NOS2: variants seen among roughly 807,000 people sequenced by gnomAD.
NOS2 encodes the protein nitric oxide synthase, inducible.
A neutral mutation model predicts 136.0 loss-of-function variants in NOS2; 96 were observed. The ratio of observed to expected loss-of-function variants is 0.71; its 90% CI spans 0.60 to 0.84. NOS2 has a LOEUF of 0.84. NOS2 is among the 40% of genes least tolerant of loss of function. The pLI is 0.00. For synonymous variants in NOS2, 539 were observed against 587.5 expected (o/e 0.92, Z 1.20); for missense variants, 1,237 against 1,496.9 (o/e 0.83, Z 2.87).
At chr17:27,773,805 C>A (rs1201615195) in intron 12 of NOS2, among the ~76,000 whole-genome samples, 1 of 152,152 alleles carries the variant, frequency 6.6e-6, no homozygotes, top group Non-Finnish European at 1.5e-5. Flanking sequence ...TTCCATACAC[C>A]AGCTTTGTGA....
In NOS2 at chr17:27,758,992, A is replaced by C; in HGVS notation, c.3243T>G (p.Val1081=). Residue 1081 remains valine, a synonymous_variant, in exon 26 of 27, where the codon GTT becomes GTG. Coordinates refer to ENST00000313735, the MANE Select transcript of NOS2 (RefSeq NM_000625.4). ...VLHKEPGHLY[V]CGDVRMARDV... is the part of the protein sequence containing the mutation. ...CCCGGGCCATGCGCACATCCCCGCA[A>C]ACATAGAGGTGGCCTGGCTCCTTGT... 6.2e-7 allele frequency: 1 copy of C among 1,613,034 alleles called. No individual in the cohort carries two copies. The highest frequency in any genetic ancestry group is 1.3e-5 in the African/African-American group (1 of 75,052).
rs1337976981 is a variant in NOS2, at chr17:27,758,952, G to A, written c.3283C>T (p.Leu1095=). The A allele has an allele frequency of 6.2e-7, 1 of 1,612,686 alleles. No individual in the cohort carries two copies. Among genetic ancestry groups the A allele is most frequent in the South Asian group, 1.1e-5 (1 of 90,970 alleles). The part of the protein sequence containing the change: ...VRMARDVAHT[L]KQLVAAKLKL... The stretch of plus-strand genomic sequence containing the variant: ...AGCTTGGCAGCCACCAGCTGCTTCA[G>A]GGTGTGGGCCACGTCCCGGGCCATG... The change falls in exon 26 of 27, where the codon CTG becomes TTG. Residue 1095 remains leucine (L), a synonymous_variant. Transcript: ENST00000313735.
chr17:27,795,260 G>C (rs1015893528), intron 2 of NOS2, among the ~76,000 whole-genome samples: 5 of 152,218 alleles, frequency 3.3e-5, no homozygotes, highest in South Asian at 2.1e-4. Flanking sequence ...CTCTGGGAGA[G>C]CACAGATAGT....
intron 23 of NOS2, 44 bp from the exon 24 acceptor site, chr17:27,760,788 A>G (rs1908099510): frequency 1.0e-5 from 16 of 1,533,948 alleles, no homozygotes; most frequent in Non-Finnish European, 1.4e-5. Context: ...CAGACACCCC[A>G]GGCCCACGCA....
In NOS2 at chr17:27,778,755, G is replaced by C; in HGVS notation, c.1216C>G (p.Leu406Val). ...GRRMGLETHK[L>V]ASLWKDQAVV... ...GCCTGGTCTTTCCAGAGCGAGGCCA[G>C]CTTGTGCGTTTCCAGGCCCATTCTC... is the stretch of plus-strand genomic sequence containing the variant. Residue 406 changes from leucine (L) to valine (V), a missense_variant, in exon 11 of 27, where the codon CTG (leucine) becomes GTG (valine). Physicochemically the swap from Leu to Val is conservative, Grantham distance 32. Coordinates refer to ENST00000313735, the MANE Select transcript of NOS2 (RefSeq NM_000625.4). 6.2e-7 allele frequency: 1 copy of C among 1,614,208 alleles called. No individual in the cohort carries two copies.
chr17:27,771,711 T>C (rs866020420), intron 14 of NOS2, among the ~76,000 whole-genome samples: 7 of 152,108 alleles, frequency 4.6e-5, no homozygotes, highest in African/African-American at 1.7e-4. Context: ...ACAGTCAGGT[T>C]CCTCCTCTGT....
At chr17:27,795,143 C>T (rs1053766980) in intron 2 of NOS2, among the ~76,000 whole-genome samples, 1 of 152,238 alleles carries the variant, frequency 6.6e-6, no homozygotes, top group African/African-American at 2.4e-5. Flanking sequence ...TCTTCATGTA[C>T]GTCTCCCAAA....
At chr17:27,780,225 A>C (rs1373893441) in intron 9 of NOS2, among the ~76,000 whole-genome samples, 1 of 152,236 alleles carries the variant, frequency 6.6e-6, no homozygotes, top group South Asian at 2.1e-4. Context: ...GGGAGTACAA[A>C]GGCTGTGAGT....
chr17:27,784,043 A>G (rs1439933448), intron 5 of NOS2, among the ~76,000 whole-genome samples: 1 of 152,054 alleles, frequency 6.6e-6, no homozygotes, highest in Non-Finnish European at 1.5e-5. Context: ...CAGTCACTCC[A>G]TATGCAATTC....
chr17:27,798,696 T>C lies in NOS2; in HGVS notation c.110+4A>G. 2 of 1,601,380 alleles carry C rather than the reference T, an allele frequency of 1.2e-6. No homozygotes were observed. Among genetic ancestry groups the C allele is most frequent in the Non-Finnish European group, 1.7e-6 (2 of 1,168,320 alleles). ...AGCAGGAGGTTCCCCCAGGGAAAACTCACCTGGAGGTGGCACAGGGGGCTT... is the reference window on the plus strand; with the variant it reads ...AGCAGGAGGTTCCCCCAGGGAAAACCCACCTGGAGGTGGCACAGGGGGCTT... On this transcript the variant is annotated splice_donor_region_variant and intron_variant, in intron 2 of 26. Coordinates refer to ENST00000313735, the MANE Select transcript of NOS2 (RefSeq NM_000625.4).
intron 23 of NOS2, 96 bp from the exon 24 acceptor site, chr17:27,760,840 G>C: frequency 7.0e-7 from 1 of 1,437,936 alleles, no homozygotes; most frequent in Non-Finnish European, 9.3e-7. Flanking sequence ...GGAGGCGGTC[G>C]TGAGGGGGTG....
rs375752351 is a variant in NOS2 at position 27,762,928 on chromosome 17, C to T, written c.2670G>A (p.Arg890=). 1 of 1,604,990 alleles carries T rather than the reference C, an allele frequency of 6.2e-7. No individual in the cohort carries two copies. Among genetic ancestry groups the T allele is most frequent in the Admixed American group, 1.7e-5 (1 of 58,298 alleles). ...GGGAAAGCAGGAAGCCAGCAGACAC[C>T]CGCAGGGACGGGAACTCCTCTAGCA... ...LEVLEEFPSL[R]VSAGFLLSQL... Residue 890 remains arginine, a synonymous_variant, in exon 22 of 27, where the codon CGG becomes CGA. Coordinates refer to ENST00000313735, the MANE Select transcript of NOS2 (RefSeq NM_000625.4).
rs181952522 is a variant in NOS2 at position 27,762,125 on chromosome 17, G to A, written c.2800+673C>T. Among the ~76,000 whole-genome samples the A allele has an allele frequency of 5.1e-4, 78 of 152,008 alleles. 1 individual carries two copies. Among genetic ancestry groups the A allele is most frequent in the African/African-American group, 1.6e-3 (68 of 41,336 alleles). On this transcript the variant is annotated intron_variant, in intron 22 of 26. Coordinates refer to ENST00000313735, the MANE Select transcript of NOS2 (RefSeq NM_000625.4). ...CACCTGGACGAGATGTTGGCCTCCCGCTCTATGGCAGCGTCACCCCCTGCT... is the reference window on the plus strand; with the variant it reads ...CACCTGGACGAGATGTTGGCCTCCCACTCTATGGCAGCGTCACCCCCTGCT...
At chr17:27,797,010 G>T (rs1483705611) in intron 2 of NOS2, among the ~76,000 whole-genome samples, 1 of 152,136 alleles carries the variant, frequency 6.6e-6, no homozygotes, top group Non-Finnish European at 1.5e-5. Context: ...GGGAGAGCGA[G>T]TCCAAATCTC....
chr17:27,760,285 T>C lies in NOS2; in HGVS notation c.3011-107A>G, dbSNP rs1189902652. ...ACTCCCACTAGCTATTTAATAGCAT[T>C]ATCCCCACTTTACAGATGAGGAAAC... On this transcript the variant is annotated intron_variant, in intron 24 of 26. Transcript: ENST00000313735. 2.5e-6 allele frequency: 3 copies of C among 1,199,826 alleles called. No homozygotes were observed. In the African/African-American group the frequency reaches 4.6e-5, roughly 18 times the overall value. 74.3% of individuals were successfully genotyped at this position (1,199,826 alleles called of 1,614,324 possible).
chr17:27,769,152 C>T lies in NOS2; in HGVS notation c.1860-1G>A, dbSNP rs1460916628. The T allele has an allele frequency of 1.2e-6, 2 of 1,606,536 alleles. No homozygotes were observed. Among genetic ancestry groups the T allele is most frequent in the Non-Finnish European group, 1.7e-6 (2 of 1,178,006 alleles). ...GGAGCCGAGGCCAAACACAGCGTAC[C>T]TGCCCGAGGACACACACAGAGACAC... On this transcript the variant is annotated splice_acceptor_variant, in intron 16 of 26. Coordinates refer to ENST00000313735, the MANE Select transcript of NOS2 (RefSeq NM_000625.4). LOFTEE classifies it high-confidence loss of function.
intron 9 of NOS2, among the ~76,000 whole-genome samples, chr17:27,780,248 T>C (rs1473995916): frequency 6.6e-6 from 1 of 152,208 alleles, no homozygotes; most frequent in African/African-American, 2.4e-5. Flanking sequence ...GGACTGAATT[T>C]GGTTCATTCA....
chr17:27,781,000 G>A (rs201588823), intron 8 of NOS2, 36 bp downstream of exon 8: 35 of 1,606,088 alleles, frequency 2.2e-5, no homozygotes, highest in South Asian at 1.6e-4. Flanking sequence ...GGGGCTCCCC[G>A]CCCCAATGGC....
At chr17:27,797,635 C>T (rs1044879677) in intron 2 of NOS2, among the ~76,000 whole-genome samples, 4 of 152,172 alleles carry the variant, frequency 2.6e-5, no homozygotes, top group South Asian at 2.1e-4. Context: ...TCCTCTGGGG[C>T]GGTGGGGTTG....
Sources: gnomAD v4.1 joint callset for allele counts (sites outside exome capture counted in the v4.1 genomes callset) on GRCh38, gnomAD v4.1.1 for gene constraint, MANE v1.5 for transcripts, NCBI Gene and HGNC (gene_info 2026-07-23, HGNC 2026-07-21) for gene names.